GRK4: variants seen among roughly 807,000 people sequenced by gnomAD.
The protein encoded by GRK4 is G protein-coupled receptor kinase 2-like.
A neutral mutation model predicts 77.9 loss-of-function variants in GRK4; 73 were observed. That is an observed-to-expected ratio of 0.94 (90% CI 0.78 to 1.14). The LOEUF is 1.14. Among genes scored for constraint, GRK4 ranks in the 50% most tolerant of loss-of-function variants. The probability of loss-of-function intolerance (pLI) is 0.00; values close to 1 mark genes in which losing one functional copy is unlikely to be tolerated. For missense variants in GRK4, 729 were observed against 700.2 expected, an observed-to-expected ratio of 1.04 and a Z score of -0.46; for synonymous variants, 257 against 254.4, an observed-to-expected ratio of 1.01 and a Z score of -0.10.
chr4:2,983,542 G>T (rs1723424795), intron 1 of GRK4, among the ~76,000 whole-genome samples: 1 of 152,188 alleles, frequency 6.6e-6, no homozygotes, highest in African/African-American at 2.4e-5. Context: ...CCAAGACTCT[G>T]CCACTCACAT....
intron 10 of GRK4, among the ~76,000 whole-genome samples, chr4:3,027,032 G>A (rs1737775156): frequency 6.6e-6 from 1 of 152,170 alleles, no homozygotes. Flanking sequence ...TCAACAGAAT[G>A]TTTTCGATAA....
chr4:2,963,588 G>C lies in GRK4; in HGVS notation c.-483G>C. On this transcript the variant is annotated 5_prime_UTR_variant, in exon 1 of 16. Coordinates refer to ENST00000398052, the MANE Select transcript of GRK4 (RefSeq NM_182982.3). ...TGGGAGCTGTAGTGCCCCGGCCGCG[G>C]CGGCGAGGGGCGCTCCCTCTTCAGC... The C allele has an allele frequency of 2.2e-6, 1 of 449,110 alleles. No individual in the cohort carries two copies. The highest frequency in any genetic ancestry group is 3.9e-6 in the Non-Finnish European group (1 of 257,020). 27.8% of individuals were successfully genotyped at this position (449,110 alleles called of 1,614,324 possible).
At chr4:3,040,188 C>G (rs943261225) in intron 15 of GRK4, among the ~76,000 whole-genome samples, 2 of 152,206 alleles carry the variant, frequency 1.3e-5, no homozygotes, top group Admixed American at 6.5e-5. Context: ...CACCTGTAAT[C>G]TCAGCACTTT....
At chr4:3,018,282 A>AT (rs957725413) in intron 8 of GRK4, among the ~76,000 whole-genome samples, 8 of 152,170 alleles carry the variant, frequency 5.3e-5, no homozygotes, top group African/African-American at 1.9e-4. Flanking sequence ...CCTATTAAGG[A>AT]TTTAACCAAG....
At chr4:2,996,852 T>C (rs982076842) in intron 4 of GRK4, among the ~76,000 whole-genome samples, 2 of 152,194 alleles carry the variant, frequency 1.3e-5, no homozygotes, top group African/African-American at 4.8e-5. Context: ...CACGTCATTA[T>C]TGTAGTTTTT....
intron 1 of GRK4, chr4:2,965,260 C>T (rs60504719): frequency 0.061 from 43,206 of 703,000 alleles, 1,504 homozygotes; most frequent in African/African-American, 0.11. Flanking sequence ...CATCCCGCCA[C>T]AAAAGCATCA....
chr4:2,987,849 GTGGATCA>G (rs1444916333), intron 2 of GRK4, among the ~76,000 whole-genome samples: 2 of 152,040 alleles, frequency 1.3e-5, no homozygotes, highest in Non-Finnish European at 2.9e-5. Context: ...GCCAAGGCAG[GTGGATCA>G]TCTGAGGTCA....
rs748628207 is a variant in GRK4 at position 3,013,780 on chromosome 4, G to A, written c.693G>A (p.Met231Ile). 1 of 1,612,144 alleles carries A rather than the reference G, an allele frequency of 6.2e-7. No homozygotes were observed. ...TAAAGAAGAGGAAAGGTGAAGCTATGGCTCTAAATGAGAAAAGAATTCTGG... is the reference window on the plus strand; with the variant it reads ...TAAAGAAGAGGAAAGGTGAAGCTATAGCTCTAAATGAGAAAAGAATTCTGG... ...KRIKKRKGEA[M>I]ALNEKRILEK... is the part of the protein sequence containing the mutation. The change falls in exon 8 of 16, where the codon ATG (methionine) becomes ATA (isoleucine). Residue 231 changes from methionine to isoleucine, a missense_variant. Physicochemically the swap from Met to Ile is conservative, Grantham distance 10. Coordinates refer to ENST00000398052, the MANE Select transcript of GRK4 (RefSeq NM_182982.3).
At chr4:2,973,092 C>T (rs1312088911) in intron 1 of GRK4, among the ~76,000 whole-genome samples, 1 of 152,214 alleles carries the variant, frequency 6.6e-6, no homozygotes, top group African/African-American at 2.4e-5. Flanking sequence ...GCTGAGTCCT[C>T]ACCTCCACCA....
At chr4:3,007,171 C>T (rs931309766) in intron 5 of GRK4, among the ~76,000 whole-genome samples, 2 of 152,160 alleles carry the variant, frequency 1.3e-5, no homozygotes, top group Non-Finnish European at 2.9e-5. Context: ...CATTGCACTC[C>T]AGCCTGGGCA....
At chr4:3,017,248 C>G (rs1465419193) in intron 8 of GRK4, among the ~76,000 whole-genome samples, 1 of 152,234 alleles carries the variant, frequency 6.6e-6, no homozygotes, top group Non-Finnish European at 1.5e-5. Context: ...TGGGGTCTGA[C>G]TGCACTCTGC....
At chr4:2,991,979 ACT>A (rs1726319855) in intron 3 of GRK4, among the ~76,000 whole-genome samples, 1 of 151,456 alleles carries the variant, frequency 6.6e-6, no homozygotes, top group Admixed American at 6.6e-5. Flanking sequence ...TTGGTCTGTG[ACT>A]CTGAGGATAT....
chr4:2,987,233 G>A (rs1724678053), intron 2 of GRK4: 9 of 443,254 alleles, frequency 2.0e-5, no homozygotes, highest in South Asian at 1.5e-4. Context: ...TTTTGTGACA[G>A]GCTTTTTTTA....
At chr4:3,015,083 G>C (rs1734048201) in intron 8 of GRK4, among the ~76,000 whole-genome samples, 1 of 152,130 alleles carries the variant, frequency 6.6e-6, no homozygotes, top group Non-Finnish European at 1.5e-5. Context: ...CACCTTTCTG[G>C]AAAGGACAGA....
At chr4:2,997,535 TAG>T (rs368249669) in intron 4 of GRK4, among the ~76,000 whole-genome samples, 39 of 151,824 alleles carry the variant, frequency 2.6e-4, no homozygotes, top group African/African-American at 9.4e-4. Context: ...CACTTGATAA[TAG>T]AGAGAGAGAG....
rs755636855 is a variant in GRK4 at position 3,004,211 on chromosome 4, T to G, written c.340-20T>G. 57 of 1,496,276 alleles carry G rather than the reference T, an allele frequency of 3.8e-5. No homozygotes were observed. In the Admixed American group the frequency reaches 9.7e-4, roughly 26 times the overall value. The allele number at this position is 1,496,276 out of a possible 1,614,324, so 92.7% of individuals were successfully genotyped here. Reference sequence around the variant, plus strand: ...TATGAAATCACTAATGGTTATGTATTTGGTTTGTACTGTATTAAGTTGGCA... The same window carrying G: ...TATGAAATCACTAATGGTTATGTATGTGGTTTGTACTGTATTAAGTTGGCA... On this transcript the variant is annotated intron_variant, in intron 4 of 15. Transcript: ENST00000398052.
chr4:3,022,399 TG>T lies in GRK4; in HGVS notation c.933-14del, dbSNP rs766341632. 1 of 1,612,902 alleles carries T rather than the reference TG, an allele frequency of 6.2e-7. No homozygotes were observed. Among genetic ancestry groups the T allele is most frequent in the East Asian group, 2.2e-5 (1 of 44,862 alleles). On this transcript the variant is annotated splice_polypyrimidine_tract_variant and intron_variant, in intron 9 of 15. Transcript: ENST00000398052. ...ACTTCTGAATAATTGGGCCTTTTGT[TG>T]TTGTTTCTTGTAGAGACTTGAAGCC...
chr4:3,006,654 G>A (rs1031322015), intron 5 of GRK4, among the ~76,000 whole-genome samples: 1 of 152,028 alleles, frequency 6.6e-6, no homozygotes, highest in East Asian at 1.9e-4. Context: ...CATGCCTGTA[G>A]TCCCAGCTAT....
chr4:2,996,075 T>C (rs1210846239), intron 4 of GRK4, among the ~76,000 whole-genome samples: 1 of 152,192 alleles, frequency 6.6e-6, no homozygotes, highest in African/African-American at 2.4e-5. Flanking sequence ...AAAACCTTTT[T>C]TTTTTTTCCC....
Sources: gnomAD v4.1 joint callset for allele counts (sites outside exome capture counted in the v4.1 genomes callset) on GRCh38, gnomAD v4.1.1 for gene constraint, MANE v1.5 for transcripts, NCBI Gene and HGNC (gene_info 2026-07-23, HGNC 2026-07-21) for gene names.